Variants in FOXN3 observed in about 807,000 individuals in gnomAD.
FOXN3 encodes forkhead box N3.
In FOXN3, 7 loss-of-function variants were observed where a neutral mutation model predicts 38.4. That is an observed-to-expected ratio of 0.18 (90% CI 0.10 to 0.34). The LOEUF (loss-of-function observed/expected upper bound fraction) is 0.34. Ranked by LOEUF, FOXN3 falls within the 10% of genes least tolerant of loss-of-function variation. The pLI, the probability that FOXN3 is intolerant of heterozygous loss-of-function variation, is 1.00. For missense variants in FOXN3, 456 were observed against 613.4 expected, an observed-to-expected ratio of 0.74 and a Z score of 2.71; for synonymous variants, 230 against 242.2, an observed-to-expected ratio of 0.95 and a Z score of 0.47.
At chr14:89,507,953 G>A (rs1893980637) in intron 1 of FOXN3, among the ~76,000 whole-genome samples, 1 of 152,204 alleles carries the variant, frequency 6.6e-6, no homozygotes, top group African/African-American at 2.4e-5. Flanking sequence ...CGCATGGAAA[G>A]TCATTCACCC....
intron 1 of FOXN3, among the ~76,000 whole-genome samples, chr14:89,436,887 C>A (rs531576996): frequency 3.3e-5 from 5 of 152,304 alleles, no homozygotes; most frequent in African/African-American, 1.2e-4. Flanking sequence ...TGGCTCACAC[C>A]TGTAATCCCA....
chr14:89,533,598 C>G (rs951642067), intron 1 of FOXN3, among the ~76,000 whole-genome samples: 8 of 130,168 alleles, frequency 6.1e-5, no homozygotes, highest in African/African-American at 2.0e-4. Flanking sequence ...GGAGGCGGAG[C>G]TTGCAGTGAG....
At chr14:89,446,324 G>A (rs1892499351) in intron 1 of FOXN3, among the ~76,000 whole-genome samples, 1 of 151,282 alleles carries the variant, frequency 6.6e-6, no homozygotes, top group Non-Finnish European at 1.5e-5. Context: ...GAGTAGCTGG[G>A]ATTACAGGCA....
At chr14:89,325,804 T>C (rs1005976853) in intron 3 of FOXN3, among the ~76,000 whole-genome samples, 2 of 152,156 alleles carry the variant, frequency 1.3e-5, no homozygotes, top group African/African-American at 4.8e-5. Context: ...AGTCCCAAGA[T>C]GATGCTCTGC....
intron 2 of FOXN3, among the ~76,000 whole-genome samples, chr14:89,368,590 G>A (rs1051572969): frequency 6.6e-6 from 1 of 152,210 alleles, no homozygotes; most frequent in African/African-American, 2.4e-5. Flanking sequence ...AGGCTGCAGT[G>A]AGCCATGATT....
At position 89,179,141 on chromosome 14, in the gene FOXN3, G is replaced by A. The variant is rs537757949; in HGVS notation, c.851+1560C>T. On this transcript the variant is annotated intron_variant, in intron 5 of 5. Coordinates refer to ENST00000557258, the MANE Select transcript of FOXN3 (RefSeq NM_005197.4). ...CCTGAGAGTAGCCAGGAAAGATACC[G>A]GGGAGGTACAAGAAAAACCTTTCCA... Among the ~76,000 whole-genome samples the A allele has an allele frequency of 3.9e-5, 6 of 152,272 alleles. No homozygotes were observed. The South Asian group carries it at 6.2e-4, about 16-fold the overall frequency.
At chr14:89,572,084 T>A (rs1050926327) in intron 1 of FOXN3, among the ~76,000 whole-genome samples, 2 of 152,226 alleles carry the variant, frequency 1.3e-5, no homozygotes, top group African/African-American at 4.8e-5. Context: ...TTTCCATTAC[T>A]CCATATCTAT....
rs559190055 is a variant in FOXN3, at chr14:89,507,378, A to G, written c.-14-94888T>C. ...CAGTGACAAATGGAGACTGCTTTCTATTAGAGTCCTTAGCAGGCCAGGTAA... is the reference window on the plus strand; with the variant it reads ...CAGTGACAAATGGAGACTGCTTTCTGTTAGAGTCCTTAGCAGGCCAGGTAA... On this transcript the variant is annotated intron_variant, in intron 1 of 6. Coordinates refer to the FOXN3 transcript ENST00000345097. Among the ~76,000 whole-genome samples, 29 of 152,312 alleles carry G rather than the reference A, an allele frequency of 1.9e-4. 1 individual carries two copies. The South Asian group carries it at 5.8e-3, about 31-fold the overall frequency.
At chr14:89,552,364 T>C (rs1411505437) in intron 1 of FOXN3, among the ~76,000 whole-genome samples, 1 of 152,244 alleles carries the variant, frequency 6.6e-6, no homozygotes, top group African/African-American at 2.4e-5. Context: ...GTATTATCTC[T>C]GACTTATACA....
intron 2 of FOXN3, among the ~76,000 whole-genome samples, chr14:89,363,947 AATATATATATATATATATATATAT>A (rs67802765): frequency 1.7e-4 from 19 of 111,366 alleles, no homozygotes; most frequent in African/African-American, 5.7e-4. Context: ...CTGTCTGTAA[AATATATATATATATATATATATAT>A]ATATATATAT....
upstream of FOXN3, among the ~76,000 whole-genome samples, chr14:89,420,052 G>A (rs1347105360): frequency 6.6e-6 from 1 of 152,158 alleles, no homozygotes; most frequent in Non-Finnish European, 1.5e-5. Context: ...GGCACACACC[G>A]CTGGCCTGCA....
chr14:89,570,003 G>GTT (rs398057363), intron 1 of FOXN3, among the ~76,000 whole-genome samples: 1,673 of 142,900 alleles, frequency 0.012, 35 homozygotes, highest in African/African-American at 0.04. Context: ...CACTTGGTAT[G>GTT]TTTTTTTTTT....
chr14:89,607,404 C>T (rs1334489351), intron 1 of FOXN3, among the ~76,000 whole-genome samples: 2 of 151,854 alleles, frequency 1.3e-5, no homozygotes, highest in Admixed American at 6.6e-5. Flanking sequence ...ACTAAAAATA[C>T]AAAAATGAGC....
At chr14:89,247,637 C>T (rs1885336159) in intron 4 of FOXN3, among the ~76,000 whole-genome samples, 1 of 152,104 alleles carries the variant, frequency 6.6e-6, no homozygotes, top group African/African-American at 2.4e-5. Context: ...TCATGATCAC[C>T]CTCATCTAGG....
intron 4 of FOXN3, among the ~76,000 whole-genome samples, chr14:89,199,614 A>G (rs540588870): frequency 1.3e-5 from 2 of 152,300 alleles, no homozygotes; most frequent in African/African-American, 4.8e-5. Context: ...GATCTATACA[A>G]ATACTACACT....
At chr14:89,590,436 G>A (rs547310681) in intron 1 of FOXN3, among the ~76,000 whole-genome samples, 8 of 152,222 alleles carry the variant, frequency 5.3e-5, no homozygotes, top group South Asian at 4.2e-4. Flanking sequence ...CAAAAATTCC[G>A]GCAGAGGGGA....
intron 3 of FOXN3, among the ~76,000 whole-genome samples, chr14:89,313,950 G>A (rs1224796414): frequency 6.6e-6 from 1 of 152,118 alleles, no homozygotes; most frequent in African/African-American, 2.4e-5. Flanking sequence ...CGTAGAAACA[G>A]AAAGTAGAAT....
At chr14:89,280,643 A>G (rs1308177591) in intron 4 of FOXN3, among the ~76,000 whole-genome samples, 1 of 152,194 alleles carries the variant, frequency 6.6e-6, no homozygotes, top group Non-Finnish European at 1.5e-5. Flanking sequence ...CATTCTAATT[A>G]CCATGTAATT....
At chr14:89,535,839 T>A (rs903585958) in intron 1 of FOXN3, among the ~76,000 whole-genome samples, 1 of 152,228 alleles carries the variant, frequency 6.6e-6, no homozygotes, top group Non-Finnish European at 1.5e-5. Flanking sequence ...CCCAAAAGGA[T>A]GAAGTCAGAG....
Sources: allele counts gnomAD v4.1 joint callset (sites outside exome capture counted in the v4.1 genomes callset), GRCh38; gene constraint gnomAD v4.1.1; transcripts MANE v1.5; gene names NCBI Gene and HGNC (gene_info 2026-07-23, HGNC 2026-07-21).